Variants in OPCML observed in about 807,000 individuals in gnomAD.
OPCML encodes the protein opioid binding protein/cell adhesion molecule like.
OPCML carries 13 observed loss-of-function variants against 37.8 expected under a neutral mutation model. That is an observed-to-expected ratio of 0.34 (90% CI 0.22 to 0.55). The LOEUF (loss-of-function observed/expected upper bound fraction) is 0.55, where lower values mean the gene tolerates loss of function less well. Among genes scored for constraint, OPCML ranks in the 20% least tolerant of loss-of-function variants. The pLI, the probability that OPCML is intolerant of heterozygous loss-of-function variation, is 0.91. For synonymous variants in OPCML, 176 were observed against 168.8 expected, an observed-to-expected ratio of 1.04 and a Z score of -0.33; for missense variants, 341 against 435.6, an observed-to-expected ratio of 0.78 and a Z score of 1.93.
At chr11:132,679,487 A>T (rs1422056867) in intron 2 of OPCML, among the ~76,000 whole-genome samples, 3 of 152,234 alleles carry the variant, frequency 2.0e-5, no homozygotes, top group Non-Finnish European at 4.4e-5. Context: ...TAAGACAACA[A>T]CAAAAGATCT....
intron 4 of OPCML, among the ~76,000 whole-genome samples, chr11:132,505,856 C>A (rs74700893): frequency 0.032 from 4,839 of 151,590 alleles, 252 homozygotes; most frequent in African/African-American, 0.11. Flanking sequence ...ACAGAACCAA[C>A]CATTAAATAT....
chr11:133,455,996 G>A (rs1048435265), intron 1 of OPCML, among the ~76,000 whole-genome samples: 7 of 152,188 alleles, frequency 4.6e-5, no homozygotes, highest in African/African-American at 1.7e-4. Flanking sequence ...TAACTTGTCT[G>A]TGGGCTTTCC....
Position 133,357,417 on chromosome 11 carries a change from T to C in OPCML, c.61+174847A>G, listed in dbSNP as rs577371124. 2.9e-3 allele frequency among the ~76,000 whole-genome samples: 444 copies of C among 152,358 alleles called. 2 individuals carry two copies. The highest frequency in any genetic ancestry group is 0.01 in the African/African-American group (427 of 41,586). ...ATGTTTGACATAAACATGTGGATGA[T>C]AAGCTACAGCTCTGTAAAAAGGGCA... On this transcript the variant is annotated intron_variant, in intron 1 of 7. Transcript: ENST00000524381.
chr11:133,480,682 C>A (rs1947354132), intron 1 of OPCML, among the ~76,000 whole-genome samples: 1 of 152,248 alleles, frequency 6.6e-6, no homozygotes, highest in South Asian at 2.1e-4. Context: ...CTATCTCCTT[C>A]CCCTGAAACC....
chr11:133,529,874 C>T (rs1948568304), intron 1 of OPCML, among the ~76,000 whole-genome samples: 1 of 152,206 alleles, frequency 6.6e-6, no homozygotes, highest in Admixed American at 6.5e-5. Context: ...TCAGAACTTC[C>T]GGATCCAGCC....
chr11:132,537,194 A>G (rs1035248493), intron 3 of OPCML, among the ~76,000 whole-genome samples: 2 of 152,208 alleles, frequency 1.3e-5, no homozygotes, highest in African/African-American at 2.4e-5. Context: ...TTCCCAACAC[A>G]TTCTTAGAAA....
chr11:132,675,270 C>G (rs1467062168), intron 2 of OPCML, among the ~76,000 whole-genome samples: 2 of 150,836 alleles, frequency 1.3e-5, no homozygotes, highest in Non-Finnish European at 3.0e-5. Context: ...TAAAAACAAA[C>G]TTATCTGCAT....
intron 1 of OPCML, among the ~76,000 whole-genome samples, chr11:133,245,080 G>A (rs1413675273): frequency 1.3e-5 from 2 of 152,164 alleles, no homozygotes; most frequent in Non-Finnish European, 2.9e-5. Context: ...ATTCTACTGT[G>A]AGTCTGCCAT....
intron 1 of OPCML, among the ~76,000 whole-genome samples, chr11:132,955,842 C>G (rs1945967621): frequency 6.6e-6 from 1 of 152,126 alleles, no homozygotes; most frequent in Non-Finnish European, 1.5e-5. Flanking sequence ...GAGATCGCAC[C>G]ATTGCACTCC....
intron 1 of OPCML, among the ~76,000 whole-genome samples, chr11:133,405,682 G>A (rs1945510520): frequency 6.6e-6 from 1 of 152,050 alleles, no homozygotes; most frequent in Non-Finnish European, 1.5e-5. Context: ...CCATATTCCT[G>A]CCTTGGGCCA....
At chr11:132,749,157 G>A (rs988541130) in intron 2 of OPCML, among the ~76,000 whole-genome samples, 1 of 152,102 alleles carries the variant, frequency 6.6e-6, no homozygotes, top group Non-Finnish European at 1.5e-5. Context: ...AGGTTATAAC[G>A]AGAAGATAGC....
intron 2 of OPCML, among the ~76,000 whole-genome samples, chr11:132,920,143 T>C (rs981301409): frequency 1.3e-5 from 2 of 152,254 alleles, no homozygotes; most frequent in Non-Finnish European, 2.9e-5. Flanking sequence ...GATTTTATGA[T>C]ATGTGAATTA....
At chr11:132,689,903 A>T (rs1943330528) in intron 2 of OPCML, among the ~76,000 whole-genome samples, 1 of 152,224 alleles carries the variant, frequency 6.6e-6, no homozygotes, top group Non-Finnish European at 1.5e-5. Context: ...CTTGGACCAT[A>T]AGTAATCATT....
intron 1 of OPCML, among the ~76,000 whole-genome samples, chr11:133,275,436 C>A (rs963930423): frequency 1.3e-5 from 2 of 152,068 alleles, no homozygotes; most frequent in Non-Finnish European, 2.9e-5. Context: ...TCAGAAAGGA[C>A]AGTTGTTGAC....
intron 2 of OPCML, among the ~76,000 whole-genome samples, chr11:132,686,449 A>G (rs1943161435): frequency 6.6e-6 from 1 of 152,214 alleles, no homozygotes; most frequent in Non-Finnish European, 1.5e-5. Flanking sequence ...TAACTTGCAA[A>G]TAATGGAATC....
At chr11:132,856,360 TTTTCCA>T (rs1408471510) in intron 2 of OPCML, among the ~76,000 whole-genome samples, 1 of 152,112 alleles carries the variant, frequency 6.6e-6, no homozygotes, top group Non-Finnish European at 1.5e-5. Flanking sequence ...AGTCACACTG[TTTTCCA>T]AAGTGATTGT....
At chr11:133,375,689 AT>A in intron 1 of OPCML, among the ~76,000 whole-genome samples, 1 of 152,194 alleles carries the variant, frequency 6.6e-6, no homozygotes, top group Non-Finnish European at 1.5e-5. Context: ...AGCTGCTGCT[AT>A]GGCCTTAGCT....
At chr11:132,845,772 ACTCT>A (rs1033586824) in intron 2 of OPCML, among the ~76,000 whole-genome samples, 2 of 151,212 alleles carry the variant, frequency 1.3e-5, no homozygotes, top group African/African-American at 4.9e-5. Flanking sequence ...TCTGTCTTTC[ACTCT>A]CTCTCTCTTC....
intron 1 of OPCML, among the ~76,000 whole-genome samples, chr11:132,957,910 C>A (rs1293791349): frequency 6.6e-6 from 1 of 152,158 alleles, no homozygotes; most frequent in Non-Finnish European, 1.5e-5. Context: ...TTCCCTGAGA[C>A]ACAAAAATAT....
Sources: allele counts gnomAD v4.1 joint callset (sites outside exome capture counted in the v4.1 genomes callset), GRCh38; gene constraint gnomAD v4.1.1; transcripts MANE v1.5; gene names NCBI Gene and HGNC (gene_info 2026-07-23, HGNC 2026-07-21).